The following ZDBF2 variants were observed in gnomAD, a reference collection of about 807,000 sequenced individuals.
The protein encoded by ZDBF2 is zinc finger DBF-type containing 2.
Under a neutral mutation model 9.4 loss-of-function variants are expected in ZDBF2, and 6 were observed. The observed-to-expected ratio is 0.64, with a 90% CI of 0.35 to 1.27. The LOEUF (loss-of-function observed/expected upper bound fraction) is 1.27, where lower values mean the gene tolerates loss of function less well. Ranked by LOEUF, ZDBF2 falls within the 50% of genes most tolerant of loss-of-function variation. ZDBF2 has a pLI of 0.03. For synonymous variants in ZDBF2, 905 were observed against 946.3 expected (o/e 0.96, Z 0.80); for missense variants, 2,697 against 2,766.8 (o/e 0.97, Z 0.57).
rs756538084 is a variant in ZDBF2 at position 206,309,126 on chromosome 2, G to T, written c.4598G>T (p.Gly1533Val). The change falls in exon 5 of 5, where the codon GGT becomes GTT. Residue 1533 changes from glycine to valine, a missense_variant. Transcript: ENST00000374423. ...PKVVLVDLVP[G>V]DSDYEVISDD... is the part of the protein sequence containing the mutation. ...GTGGTACTTGTGGATCTGGTGCCCG[G>T]TGATAGTGATTATGAAGTAATTTCA... 6.2e-7 allele frequency: 1 copy of T among 1,613,648 alleles called. No individual in the cohort carries two copies. Among genetic ancestry groups the T allele is most frequent in the Non-Finnish European group, 8.5e-7 (1 of 1,179,760 alleles).
chr2:206,310,863 C>G lies in ZDBF2; in HGVS notation c.6335C>G (p.Ala2112Gly). The stretch of plus-strand genomic sequence containing the variant: ...TCAGCGCCTTTAATGGCAGTGCCGG[C>G]AAGATATGGATTTAATTCACATCAG... The part of the protein sequence containing the change: ...SASAPLMAVP[A>G]RYGFNSHQGT... Residue 2112 changes from alanine to glycine, a missense_variant, in exon 5 of 5, where the codon GCA (alanine) becomes GGA (glycine). By Grantham distance (60) the Ala-to-Gly change is moderately conservative. Transcript: ENST00000374423. The G allele has an allele frequency of 6.2e-7, 1 of 1,613,862 alleles. No homozygotes were observed. Among genetic ancestry groups the G allele is most frequent in the East Asian group, 2.2e-5 (1 of 44,878 alleles).
intron 3 of ZDBF2, among the ~76,000 whole-genome samples, chr2:206,294,614 T>A (rs1008523901): frequency 2.6e-5 from 4 of 152,194 alleles, no homozygotes; most frequent in African/African-American, 9.7e-5. Flanking sequence ...TAGTACCTGA[T>A]AGGTAGTTTT....
rs1340965147 is a variant in ZDBF2 at position 206,297,238 on chromosome 2, C to A, written c.61-8C>A. On this transcript the variant is annotated splice_polypyrimidine_tract_variant and splice_region_variant and intron_variant, in intron 3 of 4. Coordinates refer to ENST00000374423, the MANE Select transcript of ZDBF2 (RefSeq NM_020923.3). The stretch of plus-strand genomic sequence containing the variant: ...TTTAAAAATATTCCATTTCTTTTTT[C>A]TTTATAGCATTTGTTCAGTGCTCAG... 1 of 1,199,938 alleles carries A rather than the reference C, an allele frequency of 8.3e-7. No individual in the cohort carries two copies. The highest frequency in any genetic ancestry group is 1.3e-5 in the South Asian group (1 of 79,862). The allele number at this position is 1,199,938 out of a possible 1,614,324, so 74.3% of individuals were successfully genotyped here.
intron 4 of ZDBF2, among the ~76,000 whole-genome samples, chr2:206,303,647 A>G (rs878977405): frequency 6.6e-6 from 1 of 152,166 alleles, no homozygotes; most frequent in Admixed American, 6.5e-5. Context: ...CATAGACATA[A>G]TTCACAGTGC....
intron 3 of ZDBF2, among the ~76,000 whole-genome samples, chr2:206,295,570 C>T (rs1335599468): frequency 6.6e-6 from 1 of 151,916 alleles, no homozygotes; most frequent in African/African-American, 2.4e-5. Context: ...GACAGGGTTT[C>T]GTCTTGTTGG....
At chr2:206,298,266 A>T (rs1458050640) in intron 4 of ZDBF2, among the ~76,000 whole-genome samples, 2 of 152,114 alleles carry the variant, frequency 1.3e-5, no homozygotes, top group Non-Finnish European at 2.9e-5. Flanking sequence ...TAAATATTAT[A>T]ATATGTTTGT....
chr2:206,310,505 C>G lies in ZDBF2; in HGVS notation c.5977C>G (p.Pro1993Ala). The G allele has an allele frequency of 6.2e-7, 1 of 1,613,436 alleles. No homozygotes were observed. Among genetic ancestry groups the G allele is most frequent in the Non-Finnish European group, 8.5e-7 (1 of 1,179,786 alleles). Residue 1993 changes from proline to alanine, a missense_variant, in exon 5 of 5, where the codon CCT becomes GCT. Physicochemically the swap from Pro to Ala is conservative, Grantham distance 27 (BLOSUM62 -1). Coordinates refer to ENST00000374423, the MANE Select transcript of ZDBF2 (RefSeq NM_020923.3). Reference sequence around the variant, plus strand: ...AGTCAAAATTGGGACAGTTGAATTTCCTGCATCATGTACTAAAGTTTTGAA... The same window carrying G: ...AGTCAAAATTGGGACAGTTGAATTTGCTGCATCATGTACTAAAGTTTTGAA... ...KKVKIGTVEF[P>A]ASCTKVLKPM... is the part of the protein sequence containing the mutation.
chr2:206,295,713 T>C (rs1180563053), intron 3 of ZDBF2, among the ~76,000 whole-genome samples: 1 of 152,024 alleles, frequency 6.6e-6, no homozygotes, highest in Admixed American at 6.6e-5. Context: ...CTTTTCGTGC[T>C]AAATGGGGAC....
At chr2:206,299,560 T>G (rs1458965448) in intron 4 of ZDBF2, among the ~76,000 whole-genome samples, 1 of 151,956 alleles carries the variant, frequency 6.6e-6, no homozygotes, top group African/African-American at 2.4e-5. Context: ...TAGTCCCAGC[T>G]ACTCGGGAGG....
chr2:206,302,300 A>G (rs1297367904), intron 4 of ZDBF2, among the ~76,000 whole-genome samples: 1 of 152,058 alleles, frequency 6.6e-6, no homozygotes, highest in Non-Finnish European at 1.5e-5. Context: ...ATGAACCACC[A>G]CACCTGGCCA....
At position 206,307,638 on chromosome 2, in the gene ZDBF2, G is replaced by C. The variant is rs1298478884; in HGVS notation, c.3110G>C (p.Ser1037Thr). ...CTAGAAAACAAGAATGATAAATGTAGTGGTTCTGAAATAATTTTGGATTCT... is the reference window on the plus strand; with the variant it reads ...CTAGAAAACAAGAATGATAAATGTACTGGTTCTGAAATAATTTTGGATTCT... ...YVLENKNDKC[S>T]GSEIILDSNV... is the part of the protein sequence containing the mutation. Residue 1037 changes from serine to threonine, a missense_variant, in exon 5 of 5, where the codon AGT becomes ACT. This residue lies in a region of ZDBF2 where 1,783 missense variants were observed against 1,776.5 expected (regional missense o/e 1.00). Coordinates refer to ENST00000374423, the MANE Select transcript of ZDBF2 (RefSeq NM_020923.3). 6.2e-7 allele frequency: 1 copy of C among 1,612,150 alleles called. No individual in the cohort carries two copies. The highest frequency in any genetic ancestry group is 2.2e-5 in the East Asian group (1 of 44,858).
intron 3 of ZDBF2, among the ~76,000 whole-genome samples, chr2:206,286,571 A>T (rs549753532): frequency 2.0e-4 from 31 of 152,090 alleles, no homozygotes; most frequent in East Asian, 5.8e-4. Flanking sequence ...TTAAAAAAAA[A>T]AAAATAAAAG....
chr2:206,308,484 A>G lies in ZDBF2; in HGVS notation c.3956A>G (p.Asp1319Gly), dbSNP rs1479724358. Reference sequence around the variant, plus strand: ...AGGGAGGAACATGTTTGTCTGGATGATAAGGGCTATGTGCCCAGTGATTCT... The same window carrying G: ...AGGGAGGAACATGTTTGTCTGGATGGTAAGGGCTATGTGCCCAGTGATTCT... ...LLREEHVCLD[D>G]KGYVPSDSEI... The change falls in exon 5 of 5, where the codon GAT (aspartate) becomes GGT (glycine). Residue 1319 changes from aspartate (D) to glycine (G), a missense_variant. Transcript: ENST00000374423. The G allele has an allele frequency of 2.5e-6, 4 of 1,613,510 alleles. No homozygotes were observed. The East Asian group carries it at 8.9e-5, about 36-fold the overall frequency.
Position 206,307,781 on chromosome 2 carries a change from GAAC to G in ZDBF2, c.3257_3259del (p.Gln1086del). The G allele has an allele frequency of 2.5e-6, 4 of 1,610,350 alleles. No homozygotes were observed. The highest frequency in any genetic ancestry group is 3.4e-6 in the Non-Finnish European group (4 of 1,179,028). On this transcript the variant is annotated inframe_deletion, in exon 5 of 5. Transcript: ENST00000374423. ...TGATTCTAAAATAACTTTTGATTCTGAACAACTTCAGGAAGCGGTTAAAAAAAT... is the reference window on the plus strand; with the variant it reads ...TGATTCTAAAATAACTTTTGATTCTGAACTTCAGGAAGCGGTTAAAAAAAT...
intron 3 of ZDBF2, among the ~76,000 whole-genome samples, chr2:206,288,011 A>G (rs1027827104): frequency 6.6e-6 from 1 of 151,920 alleles, no homozygotes; most frequent in Non-Finnish European, 1.5e-5. Flanking sequence ...TCTCTCATTG[A>G]GTTTCCTTAA....
chr2:206,297,619 A>AT (rs1246691222), intron 4 of ZDBF2, among the ~76,000 whole-genome samples: 2 of 152,178 alleles, frequency 1.3e-5, no homozygotes, highest in African/African-American at 4.8e-5. Flanking sequence ...TATATCATTA[A>AT]GATGTTTTAT....
chr2:206,293,747 A>G (rs1692020521), intron 3 of ZDBF2, among the ~76,000 whole-genome samples: 1 of 152,218 alleles, frequency 6.6e-6, no homozygotes. Flanking sequence ...AATTAAAGAG[A>G]CTGACAATAG....
At position 206,279,612 on chromosome 2, in the gene ZDBF2, A is replaced by C. The variant is rs1574374659; in HGVS notation, c.-50+20A>C. ...CTCCAGGTAAATAATTTTTTACTTTATAAAAATATCAGGTTCTAGGAGAAT... is the reference window on the plus strand; with the variant it reads ...CTCCAGGTAAATAATTTTTTACTTTCTAAAAATATCAGGTTCTAGGAGAAT... On this transcript the variant is annotated intron_variant, in intron 2 of 4. Transcript: ENST00000374423. 6.6e-6 allele frequency: 1 copy of C among 152,168 alleles called. No individual in the cohort carries two copies. Among genetic ancestry groups the C allele is most frequent in the Admixed American group, 6.5e-5 (1 of 15,282 alleles). The allele number at this position is 152,168 out of a possible 1,614,324, so 9.4% of individuals were successfully genotyped here. A position where few individuals can be genotyped will look rare whatever the true frequency, so the allele number is the denominator to read the frequency against.
chr2:206,279,839 C>T (rs1161883972), intron 2 of ZDBF2, among the ~76,000 whole-genome samples: 1 of 152,176 alleles, frequency 6.6e-6, no homozygotes, highest in Non-Finnish European at 1.5e-5. Context: ...AAGCCTCGCT[C>T]TGTCACCCAG....
Sources: gnomAD v4.1 joint callset for allele counts (sites outside exome capture counted in the v4.1 genomes callset) on GRCh38, gnomAD v4.1.1 for gene constraint, gnomAD v4.1.1 regional missense constraint, MANE v1.5 for transcripts, NCBI Gene and HGNC (gene_info 2026-07-23, HGNC 2026-07-21) for gene names.